The following RAPGEF1 variants were observed in gnomAD, a reference collection of about 807,000 sequenced individuals.
RAPGEF1 encodes Rap guanine nucleotide exchange factor 1.
In RAPGEF1, 33 loss-of-function variants were observed where a neutral mutation model predicts 143.3. The observed-to-expected ratio is 0.23, with a 90% CI of 0.17 to 0.31. The LOEUF (loss-of-function observed/expected upper bound fraction) is 0.31, where lower values mean the gene tolerates loss of function less well. RAPGEF1 is among the 10% of genes least tolerant of loss of function. RAPGEF1 has a pLI of 1.00. For synonymous variants in RAPGEF1, 629 were observed against 676.5 expected, an observed-to-expected ratio of 0.93 and a Z score of 1.09; for missense variants, 1,199 against 1,645.4, an observed-to-expected ratio of 0.73 and a Z score of 4.69.
intron 12 of RAPGEF1, 117 bp downstream of exon 12, chr9:131,618,934 G>A (rs1959776521): frequency 5.8e-6 from 5 of 864,658 alleles, no homozygotes; most frequent in South Asian, 1.6e-5. Context: ...TAGGTGTAGG[G>A]ACCCGCAGAA....
At chr9:131,687,326 G>C (rs1441911419) in intron 1 of RAPGEF1, among the ~76,000 whole-genome samples, 1 of 152,126 alleles carries the variant, frequency 6.6e-6, no homozygotes, top group African/African-American at 2.4e-5. Flanking sequence ...AAGTAGCTGG[G>C]ACTACAAGCG....
chr9:131,631,795 C>A (rs1030125848), intron 5 of RAPGEF1, among the ~76,000 whole-genome samples: 1 of 152,258 alleles, frequency 6.6e-6, no homozygotes, highest in Admixed American at 6.5e-5. Flanking sequence ...GGTGAACACG[C>A]CGAAAAAAAT....
At chr9:131,718,885 C>T (rs536830312) in intron 1 of RAPGEF1, among the ~76,000 whole-genome samples, 1 of 152,052 alleles carries the variant, frequency 6.6e-6, no homozygotes, top group African/African-American at 2.4e-5. Context: ...ACAGAAGAGC[C>T]CAAAACAGAA....
At position 131,650,666 on chromosome 9, in the gene RAPGEF1, A is replaced by G; in HGVS notation, c.201+144T>C. ...TCCTAATGGTTCTTATTTTACAAGG[A>G]CACCAAAGGTCCCGCCCATGGAATG... On this transcript the variant is annotated intron_variant, in intron 2 of 26. Transcript: ENST00000683357. This position sits in a 1 kb window ranked among gnomAD's most constrained non-coding sequence, Gnocchi z 4.7. 8.0e-7 allele frequency: 1 copy of G among 1,247,846 alleles called. No homozygotes were observed. The highest frequency in any genetic ancestry group is 1.1e-6 in the Non-Finnish European group (1 of 895,152). 77.3% of individuals were successfully genotyped at this position (1,247,846 alleles called of 1,614,324 possible).
chr9:131,629,161 C>G lies in RAPGEF1; in HGVS notation c.834G>C (p.Thr278=). The G allele has an allele frequency of 1.9e-6, 3 of 1,614,016 alleles. No homozygotes were observed. Among genetic ancestry groups the G allele is most frequent in the Non-Finnish European group, 1.7e-6 (2 of 1,179,888 alleles). ...GCTTGGGGGGCGCGACCTCTTCATC[C>G]GTGGCATCTGGGAGGAGCTCAGTTG... ...SQSTELLPDA[T]DEEVAPPKPP... Residue 278 remains threonine (T), a synonymous_variant, in exon 7 of 27, where the codon ACG becomes ACC. Transcript: ENST00000683357.
At chr9:131,674,409 A>G (rs1317859045) in intron 1 of RAPGEF1, among the ~76,000 whole-genome samples, 2 of 152,112 alleles carry the variant, frequency 1.3e-5, no homozygotes, top group African/African-American at 2.4e-5. Flanking sequence ...CTGCCCTCTT[A>G]CCCAAAGCAG....
chr9:131,616,427 T>A (rs12005380), intron 12 of RAPGEF1, among the ~76,000 whole-genome samples: 37,840 of 152,088 alleles, frequency 0.25, 5,122 homozygotes, highest in Non-Finnish European at 0.31. Flanking sequence ...CTCAACTGCA[T>A]GTCTTTTGCA....
At chr9:131,670,678 G>A (rs931210824) in intron 1 of RAPGEF1, among the ~76,000 whole-genome samples, 5 of 152,140 alleles carry the variant, frequency 3.3e-5, no homozygotes, top group African/African-American at 1.2e-4. Context: ...ACAGTCTCCC[G>A]GCCTCAAGGA....
Position 131,628,577 on chromosome 9 carries a change from G to C in RAPGEF1, c.989C>G (p.Ser330Cys). The C allele has an allele frequency of 6.2e-7, 1 of 1,612,842 alleles. No homozygotes were observed. The highest frequency in any genetic ancestry group is 1.1e-5 in the South Asian group (1 of 91,072). The change falls in exon 8 of 27, where the codon TCC becomes TGC. Residue 330 changes from serine (S) to cysteine (C), a missense_variant. This residue lies in a region of RAPGEF1 where 613 missense variants were observed against 710.9 expected (regional missense o/e 0.86). Transcript: ENST00000683357. The surrounding 1 kb of genome is among the most constrained non-coding windows in gnomAD (Gnocchi z 5.7). ...VAPMSRATSG[S>C]SLPVGINRQD... ...CCTATTGATTCCAACAGGCAAACTG[G>C]AGCCACTGGTGGCTCGGCTCATGGG...
chr9:131,733,471 A>T (rs1589127975), intron 1 of RAPGEF1, among the ~76,000 whole-genome samples: 1 of 151,544 alleles, frequency 6.6e-6, no homozygotes, highest in Non-Finnish European at 1.5e-5. Flanking sequence ...ACTGATGGGG[A>T]AAATAAGCCC....
chr9:131,584,034 C>T lies in RAPGEF1; in HGVS notation c.3414+277G>A, dbSNP rs551047118. Among the ~76,000 whole-genome samples, 5 of 152,202 alleles carry T rather than the reference C, an allele frequency of 3.3e-5. No homozygotes were observed. The East Asian group carries it at 5.8e-4, about 18-fold the overall frequency. On this transcript the variant is annotated intron_variant, in intron 24 of 26. Coordinates refer to ENST00000683357, the MANE Select transcript of RAPGEF1 (RefSeq NM_001377935.1). The surrounding 1 kb of genome is among the most constrained non-coding windows in gnomAD (Gnocchi z 6.8). The stretch of plus-strand genomic sequence containing the variant: ...ACGGGCTGAGGGCGGGCGGGGGAGG[C>T]GGGAACCCAGGGATGGGCCTGCTGG...
rs1952300012 is a variant in RAPGEF1, at chr9:131,584,038, A to G, written c.3414+273T>C. On this transcript the variant is annotated intron_variant, in intron 24 of 26. Transcript: ENST00000683357. This position sits in a 1 kb window ranked among gnomAD's most constrained non-coding sequence, Gnocchi z 6.8. ...GCTGAGGGCGGGCGGGGGAGGCGGG[A>G]ACCCAGGGATGGGCCTGCTGGGTGG... Among the ~76,000 whole-genome samples, 2 of 152,146 alleles carry G rather than the reference A, an allele frequency of 1.3e-5. No homozygotes were observed. Among genetic ancestry groups the G allele is most frequent in the South Asian group, 4.1e-4 (2 of 4,824 alleles).
At chr9:131,736,485 G>A (rs1225968014) in intron 1 of RAPGEF1, among the ~76,000 whole-genome samples, 1 of 152,206 alleles carries the variant, frequency 6.6e-6, no homozygotes, top group African/African-American at 2.4e-5. Flanking sequence ...ATTCTCTGAG[G>A]ATATACATAG....
At chr9:131,739,704 C>G in intron 1 of RAPGEF1, 66 bp downstream of exon 1, 1 of 1,026,170 alleles carries the variant, frequency 9.7e-7, no homozygotes. Flanking sequence ...CGCGCTCGGC[C>G]CGGGGAGCGG....
chr9:131,703,642 C>T (rs563418280), intron 1 of RAPGEF1, among the ~76,000 whole-genome samples: 51 of 152,302 alleles, frequency 3.3e-4, no homozygotes, highest in African/African-American at 1.2e-3. Context: ...ACCCTGGCAC[C>T]TGGGCTCCAG....
At chr9:131,689,933 C>T (rs1308464282) in intron 1 of RAPGEF1, among the ~76,000 whole-genome samples, 1 of 152,156 alleles carries the variant, frequency 6.6e-6, no homozygotes, top group African/African-American at 2.4e-5. Flanking sequence ...ACATTAATAT[C>T]TGAATATAAA....
At chr9:131,624,313 C>A (rs902012524) in intron 10 of RAPGEF1, among the ~76,000 whole-genome samples, 1 of 152,206 alleles carries the variant, frequency 6.6e-6, no homozygotes, top group South Asian at 2.1e-4. Context: ...TAGCTCAGGG[C>A]ACACCATGGC....
chr9:131,738,094 C>A (rs893283452), intron 1 of RAPGEF1, among the ~76,000 whole-genome samples: 1 of 152,014 alleles, frequency 6.6e-6, no homozygotes, highest in Non-Finnish European at 1.5e-5. Flanking sequence ...GGATTACAGG[C>A]GTGAGCCACT....
chr9:131,709,605 C>T (rs371438933), intron 1 of RAPGEF1: 44 of 1,612,684 alleles, frequency 2.7e-5, no homozygotes, highest in Admixed American at 3.3e-5. Flanking sequence ...GAAAGGAAGC[C>T]CAGGGCTTTC....
Sources: allele counts gnomAD v4.1 joint callset (sites outside exome capture counted in the v4.1 genomes callset), GRCh38; gene constraint gnomAD v4.1.1; regional missense constraint gnomAD v4.1.1; non-coding constraint Gnocchi (gnomAD v3.1); transcripts MANE v1.5; gene names NCBI Gene and HGNC (gene_info 2026-07-23, HGNC 2026-07-21).